Variants in ZNF385D observed in about 807,000 individuals in gnomAD.
ZNF385D encodes the protein zinc finger protein 659.
Under a neutral mutation model 35.8 loss-of-function variants are expected in ZNF385D, and 15 were observed. The observed-to-expected ratio is 0.42, with a 90% CI of 0.28 to 0.64. ZNF385D has a LOEUF of 0.64. Among genes scored for constraint, ZNF385D ranks in the 30% least tolerant of loss-of-function variants. The pLI, the probability that ZNF385D is intolerant of heterozygous loss-of-function variation, is 0.23. For synonymous variants in ZNF385D, 212 were observed against 186.8 expected, an observed-to-expected ratio of 1.13 and a Z score of -1.10; for missense variants, 474 against 494.6, an observed-to-expected ratio of 0.96 and a Z score of 0.39.
intron 3 of ZNF385D, among the ~76,000 whole-genome samples, chr3:21,925,257 C>T (rs952587009): frequency 6.6e-5 from 10 of 152,040 alleles, no homozygotes; most frequent in Non-Finnish European, 1.3e-4. Context: ...TTCTATATAG[C>T]TATGACAACC....
At chr3:22,108,421 G>T (rs1334477874) in intron 3 of ZNF385D, among the ~76,000 whole-genome samples, 1 of 151,916 alleles carries the variant, frequency 6.6e-6, no homozygotes. Context: ...GAGGAAAGAA[G>T]TAAGGGTATG....
chr3:21,818,004 A>G (rs1483624534), intron 3 of ZNF385D, among the ~76,000 whole-genome samples: 1 of 152,214 alleles, frequency 6.6e-6, no homozygotes, highest in Non-Finnish European at 1.5e-5. Flanking sequence ...AGCCATAAAA[A>G]AGGATGAGTT....
chr3:21,558,617 C>T lies in ZNF385D; in HGVS notation c.276+5957G>A, dbSNP rs143695247. Among the ~76,000 whole-genome samples the T allele has an allele frequency of 1.7e-3, 266 of 152,164 alleles. 4 individuals carry two copies. The highest frequency in any genetic ancestry group is 0.015 in the Admixed American group (224 of 15,264). Reference sequence around the variant, plus strand: ...AAGAGCAATGAGTTGCTGAGAAGAACGTATATTCTGTTGATTTGGGGTGGA... The same window carrying T: ...AAGAGCAATGAGTTGCTGAGAAGAATGTATATTCTGTTGATTTGGGGTGGA... On this transcript the variant is annotated intron_variant, in intron 3 of 7. Transcript: ENST00000281523.
intron 2 of ZNF385D, among the ~76,000 whole-genome samples, chr3:22,233,453 G>A (rs1453892111): frequency 6.6e-6 from 1 of 152,174 alleles, no homozygotes; most frequent in Non-Finnish European, 1.5e-5. Flanking sequence ...GGTCACAGAT[G>A]ACTTTCTGAA....
chr3:21,529,377 T>G (rs2061865436), intron 3 of ZNF385D, among the ~76,000 whole-genome samples: 1 of 152,194 alleles, frequency 6.6e-6, no homozygotes, highest in Admixed American at 6.6e-5. Context: ...GATCTTAATA[T>G]AATGTATGTC....
intron 3 of ZNF385D, among the ~76,000 whole-genome samples, chr3:21,827,699 G>A (rs781388650): frequency 9.2e-5 from 14 of 152,192 alleles, no homozygotes; most frequent in South Asian, 2.1e-4. Context: ...GTCTTGGAAC[G>A]TGGAAGGAAA....
intron 3 of ZNF385D, among the ~76,000 whole-genome samples, chr3:21,801,218 G>C (rs1205276935): frequency 6.6e-6 from 1 of 151,944 alleles, no homozygotes; most frequent in Non-Finnish European, 1.5e-5. Flanking sequence ...TGTTGGATTT[G>C]GTTTACTAGT....
At chr3:22,285,538 A>T (rs1199640967) in intron 2 of ZNF385D, among the ~76,000 whole-genome samples, 1 of 149,534 alleles carries the variant, frequency 6.7e-6, no homozygotes, top group Non-Finnish European at 1.5e-5. Flanking sequence ...AACTTTATTT[A>T]TTTTTTATTA....
intron 3 of ZNF385D, among the ~76,000 whole-genome samples, chr3:21,559,654 C>G (rs561217597): frequency 6.6e-6 from 1 of 152,070 alleles, no homozygotes; most frequent in African/African-American, 2.4e-5. Flanking sequence ...TTGCTCTTCT[C>G]AAGGAGTATC....
intron 4 of ZNF385D, among the ~76,000 whole-genome samples, chr3:21,452,320 A>G (rs1321755145): frequency 6.6e-6 from 1 of 152,014 alleles, no homozygotes; most frequent in Non-Finnish European, 1.5e-5. Flanking sequence ...CCCATGTAAA[A>G]ACTAATGTTC....
intron 3 of ZNF385D, among the ~76,000 whole-genome samples, chr3:22,094,620 A>G (rs1701517535): frequency 6.6e-6 from 1 of 151,876 alleles, no homozygotes; most frequent in South Asian, 2.1e-4. Context: ...AGGACATCTC[A>G]GCCATCCCAG....
At chr3:21,784,169 T>C (rs2071598546) in intron 3 of ZNF385D, among the ~76,000 whole-genome samples, 1 of 152,134 alleles carries the variant, frequency 6.6e-6, no homozygotes, top group Non-Finnish European at 1.5e-5. Context: ...GAATAAAACT[T>C]TAAAACCAGC....
intron 3 of ZNF385D, among the ~76,000 whole-genome samples, chr3:22,032,034 T>C (rs149376400): frequency 9.7e-4 from 148 of 152,330 alleles, no homozygotes; most frequent in African/African-American, 3.2e-3. Flanking sequence ...TGCTAAAGCA[T>C]AGCAAGAGTG....
chr3:21,522,065 G>C (rs1012720399), intron 3 of ZNF385D, among the ~76,000 whole-genome samples: 1 of 151,966 alleles, frequency 6.6e-6, no homozygotes, highest in African/African-American at 2.4e-5. Context: ...AAATCAATTC[G>C]GTGCCCTGGC....
chr3:21,914,602 C>T (rs1467468716), intron 3 of ZNF385D, among the ~76,000 whole-genome samples: 1 of 151,732 alleles, frequency 6.6e-6, no homozygotes. Flanking sequence ...TTTCTAGAAA[C>T]AGGAGATTAT....
intron 2 of ZNF385D, among the ~76,000 whole-genome samples, chr3:22,318,780 C>T (rs1261651920): frequency 1.3e-5 from 2 of 152,024 alleles, no homozygotes; most frequent in Non-Finnish European, 2.9e-5. Flanking sequence ...TAATTAAGTA[C>T]TGTGTATAAA....
At chr3:21,444,080 CT>C (rs11390309) in intron 4 of ZNF385D, among the ~76,000 whole-genome samples, 439 of 132,638 alleles carry the variant, frequency 3.3e-3, no homozygotes, top group Admixed American at 8.8e-3. Flanking sequence ...GGATTTCCCT[CT>C]TTTTTTTTTT....
At chr3:22,132,547 A>C (rs1328735208) in intron 3 of ZNF385D, among the ~76,000 whole-genome samples, 3 of 152,158 alleles carry the variant, frequency 2.0e-5, no homozygotes, top group African/African-American at 7.2e-5. Flanking sequence ...TCAATGCAAA[A>C]AATTAGCCCA....
intron 3 of ZNF385D, among the ~76,000 whole-genome samples, chr3:21,526,533 C>A (rs1206508522): frequency 1.3e-5 from 2 of 152,086 alleles, no homozygotes; most frequent in African/African-American, 4.8e-5. Flanking sequence ...GTAGAACATG[C>A]AGCCATGGAG....
Sources: allele counts gnomAD v4.1 joint callset (sites outside exome capture counted in the v4.1 genomes callset), GRCh38; gene constraint gnomAD v4.1.1; transcripts MANE v1.5; gene names NCBI Gene and HGNC (gene_info 2026-07-23, HGNC 2026-07-21).